Variants in ZIC5 observed in about 807,000 individuals in gnomAD.
ZIC5 encodes the protein Zic family zinc finger 5, also known as zinc finger protein ZIC 5.
A neutral mutation model predicts 28.5 loss-of-function variants in ZIC5; 20 were observed. That is an observed-to-expected ratio of 0.70 (90% CI 0.49 to 1.02). The LOEUF (loss-of-function observed/expected upper bound fraction) is 1.02, where lower values mean the gene tolerates loss of function less well. ZIC5 is among the 50% of genes least tolerant of loss of function. ZIC5 has a pLI of 0.00. For missense variants in ZIC5, 951 were observed against 899.7 expected (o/e 1.06, Z -0.73); for synonymous variants, 488 against 410.4 (o/e 1.19, Z -2.29).
At chr13:99,966,569 G>A (rs77594375) in intron 1 of ZIC5, among the ~76,000 whole-genome samples, 1,616 of 152,294 alleles carry the variant, frequency 0.011, 15 homozygotes, top group Non-Finnish European at 0.016. Flanking sequence ...TAAGAGCACA[G>A]CAGATCGAGC....
Position 99,971,542 on chromosome 13 carries a change from G to C in ZIC5, c.62C>G (p.Ala21Gly), listed in dbSNP as rs1326722225. The C allele has an allele frequency of 6.4e-7, 1 of 1,552,276 alleles. No individual in the cohort carries two copies. The highest frequency in any genetic ancestry group is 1.4e-5 in the African/African-American group (1 of 73,224). ...CATATTCTGAAGCGGCTGGACCTGA[G>C]CCGTTGCCAAATCCGCTAATCTCAG... ...PALRLADLATAQVQPLQNMTG... is the reference protein window; with the variant it reads ...PALRLADLATGQVQPLQNMTG... The change falls in exon 1 of 2, where the codon GCT (alanine) becomes GGT (glycine). Residue 21 changes from alanine (A) to glycine (G), a missense_variant. Ala to Gly is a moderately conservative substitution (Grantham distance 60). Transcript: ENST00000267294.
intron 1 of ZIC5, among the ~76,000 whole-genome samples, chr13:99,966,692 TA>T (rs986271321): frequency 1.3e-5 from 2 of 152,152 alleles, no homozygotes; most frequent in African/African-American, 4.8e-5. Flanking sequence ...AAAAAGACCT[TA>T]AAAAAATTTA....
chr13:99,965,241 C>A lies in ZIC5; in HGVS notation c.*136G>T. On this transcript the variant is annotated 3_prime_UTR_variant, in exon 2 of 2. Transcript: ENST00000267294. ...TGTACAAACACCATAGGGTTTCATA[C>A]TGAATAAATAGGGCTAATTAGACCC... The A allele has an allele frequency of 3.1e-6, 2 of 650,958 alleles. No individual in the cohort carries two copies. The highest frequency in any genetic ancestry group is 3.1e-5 in the East Asian group (1 of 31,840). 40.3% of individuals were successfully genotyped at this position (650,958 alleles called of 1,614,324 possible). A position where few individuals can be genotyped will look rare whatever the true frequency, so the allele number is the denominator to read the frequency against.
rs1269999592 is a variant in ZIC5, at chr13:99,970,879, G to A, written c.725C>T (p.Thr242Met). 6.2e-6 allele frequency: 8 copies of A among 1,283,738 alleles called. No individual in the cohort carries two copies. In the African/African-American group the frequency reaches 1.1e-4, roughly 18 times the overall value. 79.5% of individuals were successfully genotyped at this position (1,283,738 alleles called of 1,614,324 possible). ...CGGGTGGCCGCCTGGGGCCCCCGGC[G>A]TGTCGTGCAGCGCGGGGAAGAGCGC... ...GPALFPALHD[T>M]PGAPGGHPHP... The change falls in exon 1 of 2, where the codon ACG (threonine) becomes ATG (methionine). Residue 242 changes from threonine to methionine, a missense_variant. Physicochemically the swap from Thr to Met is moderately conservative, Grantham distance 81. This residue lies in a region of ZIC5 where 784 missense variants were observed against 660.1 expected (regional missense o/e 1.19). Transcript: ENST00000267294.
In ZIC5 at chr13:99,970,569, G is replaced by T. The variant is rs1361985823; in HGVS notation, c.1035C>A (p.His345Gln). 2 of 1,024,540 alleles carry T rather than the reference G, an allele frequency of 2.0e-6. No individual in the cohort carries two copies. Among genetic ancestry groups the T allele is most frequent in the Non-Finnish European group, 2.3e-6 (2 of 857,448 alleles). 63.5% of individuals were successfully genotyped at this position (1,024,540 alleles called of 1,614,324 possible). The change falls in exon 1 of 2, where the codon CAC becomes CAA. Residue 345 changes from histidine to glutamine, a missense_variant. By Grantham distance (24) the His-to-Gln change is conservative (BLOSUM62 0). This residue lies in a region of ZIC5 where 784 missense variants were observed against 660.1 expected (regional missense o/e 1.19). Transcript: ENST00000267294. ...GGAGGTGGGGGTGGTGCTGGTGCGG[G>T]TGCTGCGCGGGCGCCGGCGGCGGCG... Reference protein sequence around the residue: ...APPPPPAPAQHPHQHHPHLPG... With the variant: ...APPPPPAPAQQPHQHHPHLPG...
intron 1 of ZIC5, 48 bp from the exon 2 acceptor site, chr13:99,965,867 C>G (rs2053096478): frequency 6.5e-7 from 1 of 1,548,770 alleles, no homozygotes; most frequent in Non-Finnish European, 8.7e-7. Context: ...CAAGACCCCT[C>G]TCTTGACAGA....
chr13:99,970,711 G>A lies in ZIC5; in HGVS notation c.893C>T (p.Ala298Val). 1 of 1,187,574 alleles carries A rather than the reference G, an allele frequency of 8.4e-7. No individual in the cohort carries two copies. Among genetic ancestry groups the A allele is most frequent in the Non-Finnish European group, 1.0e-6 (1 of 956,180 alleles). The allele number at this position is 1,187,574 out of a possible 1,614,324, so 73.6% of individuals were successfully genotyped here. A position where few individuals can be genotyped will look rare whatever the true frequency, so the allele number is the denominator to read the frequency against. ...HYGAVAAAAA[A>V]ALHGYGAVNL... ...CACGGCTCCGTAGCCGTGCAGGGCGGCCGCCGCTGCGGCCGCAACCGCCCC... is the reference window on the plus strand; with the variant it reads ...CACGGCTCCGTAGCCGTGCAGGGCGACCGCCGCTGCGGCCGCAACCGCCCC... Residue 298 changes from alanine to valine, a missense_variant, in exon 1 of 2, where the codon GCC becomes GTC. Transcript: ENST00000267294.
Position 99,963,346 on chromosome 13 carries a change from T to C in ZIC5, c.*2031A>G, listed in dbSNP as rs768945894. 6.6e-6 allele frequency: 1 copy of C among 152,622 alleles called. No individual in the cohort carries two copies. Among genetic ancestry groups the C allele is most frequent in the Non-Finnish European group, 1.5e-5 (1 of 68,026 alleles). 9.5% of individuals were successfully genotyped at this position (152,622 alleles called of 1,614,324 possible). ...CCCCAAAAGTTCATACCTTTTCTATTTGAAAGGGCTTTGAAAGTGAATAAT... is the reference window on the plus strand; with the variant it reads ...CCCCAAAAGTTCATACCTTTTCTATCTGAAAGGGCTTTGAAAGTGAATAAT... On this transcript the variant is annotated 3_prime_UTR_variant, in exon 2 of 2. Transcript: ENST00000267294.
Position 99,970,590 on chromosome 13 carries a change from C to T in ZIC5, c.1014G>A (p.Pro338=), listed in dbSNP as rs760991645. ...QHHAPPPAPP[P]PPAPAQHPHQ... ...GCGGGTGCTGCGCGGGCGCCGGCGGCGGCGGCGGCGCCGGGGGCGGCGCGT... is the reference window on the plus strand; with the variant it reads ...GCGGGTGCTGCGCGGGCGCCGGCGGTGGCGGCGGCGCCGGGGGCGGCGCGT... The change falls in exon 1 of 2, where the codon CCG becomes CCA. Residue 338 remains proline, a synonymous_variant. Coordinates refer to ENST00000267294, the MANE Select transcript of ZIC5 (RefSeq NM_033132.5). 6.0e-6 allele frequency: 6 copies of T among 994,654 alleles called. No individual in the cohort carries two copies. Among genetic ancestry groups the T allele is most frequent in the South Asian group, 9.0e-5 (2 of 22,226 alleles). The allele number at this position is 994,654 out of a possible 1,614,324, so 61.6% of individuals were successfully genotyped here. A position where few individuals can be genotyped will look rare whatever the true frequency, so the allele number is the denominator to read the frequency against.
intron 1 of ZIC5, among the ~76,000 whole-genome samples, chr13:99,966,157 T>TCC (rs2053098557): frequency 6.6e-6 from 1 of 151,858 alleles, no homozygotes; most frequent in Admixed American, 6.6e-5. Context: ...ACAGACACAC[T>TCC]CCCCTCAGGG....
rs571401354 is a variant in ZIC5, at chr13:99,963,760, GA to G, written c.*1616del. 109 of 131,372 alleles carry G rather than the reference GA, an allele frequency of 8.3e-4. No homozygotes were observed. The highest frequency in any genetic ancestry group is 1.8e-3 in the African/African-American group (63 of 34,776). The allele number at this position is 131,372 out of a possible 1,614,324, so 8.1% of individuals were successfully genotyped here. A position where few individuals can be genotyped will look rare whatever the true frequency, so the allele number is the denominator to read the frequency against. On this transcript the variant is annotated 3_prime_UTR_variant, in exon 2 of 2. Transcript: ENST00000267294. Reference sequence around the variant, plus strand: ...GTGTGCTTTGAACTCTTCCAGGAAAGAAAAAAAAAAAGGATGATGTCTGAAA... The same window carrying G: ...GTGTGCTTTGAACTCTTCCAGGAAAGAAAAAAAAAAGGATGATGTCTGAAA...
In ZIC5 at chr13:99,970,701, G is replaced by C; in HGVS notation, c.903C>G (p.His301Gln). 8.5e-7 allele frequency: 1 copy of C among 1,176,166 alleles called. No homozygotes were observed. The highest frequency in any genetic ancestry group is 5.7e-5 in the East Asian group (1 of 17,634). The allele number at this position is 1,176,166 out of a possible 1,614,324, so 72.9% of individuals were successfully genotyped here. A position where few individuals can be genotyped will look rare whatever the true frequency, so the allele number is the denominator to read the frequency against. Reference protein sequence around the residue: ...AVAAAAAAALHGYGAVNLNLN... With the variant: ...AVAAAAAAALQGYGAVNLNLN... Reference sequence around the variant, plus strand: ...GGTTTAAGTTCACGGCTCCGTAGCCGTGCAGGGCGGCCGCCGCTGCGGCCG... The same window carrying C: ...GGTTTAAGTTCACGGCTCCGTAGCCCTGCAGGGCGGCCGCCGCTGCGGCCG... The change falls in exon 1 of 2, where the codon CAC (histidine) becomes CAG (glutamine). Residue 301 changes from histidine to glutamine, a missense_variant. His to Gln is a conservative substitution (Grantham distance 24). Transcript: ENST00000267294.
intron 1 of ZIC5, among the ~76,000 whole-genome samples, chr13:99,967,032 T>C (rs952301019): frequency 3.3e-5 from 5 of 152,252 alleles, no homozygotes; most frequent in African/African-American, 4.8e-5. Context: ...TTCTCATATT[T>C]CAGCAGCTAC....
At chr13:99,969,670 A>G (rs1044640074) in intron 1 of ZIC5, among the ~76,000 whole-genome samples, 2 of 150,450 alleles carry the variant, frequency 1.3e-5, no homozygotes, top group African/African-American at 4.9e-5. Flanking sequence ...CGCGGGGCCT[A>G]CGACCCGGTG....
intron 1 of ZIC5, among the ~76,000 whole-genome samples, chr13:99,969,651 C>T (rs1211145812): frequency 6.6e-6 from 1 of 151,488 alleles, no homozygotes; most frequent in Non-Finnish European, 1.5e-5. Flanking sequence ...CCTCGGAGCG[C>T]GGAGACTGCG....
intron 1 of ZIC5, among the ~76,000 whole-genome samples, chr13:99,967,217 T>C (rs1375539634): frequency 6.6e-6 from 1 of 152,242 alleles, no homozygotes; most frequent in Non-Finnish European, 1.5e-5. Flanking sequence ...CGATAACTGC[T>C]TCCATGGCAG....
Position 99,963,552 on chromosome 13 carries a change from C to G in ZIC5, c.*1825G>C, listed in dbSNP as rs1281651781. The G allele has an allele frequency of 6.6e-6, 1 of 152,370 alleles. No homozygotes were observed. The highest frequency in any genetic ancestry group is 1.9e-4 in the East Asian group (1 of 5,200). 9.4% of individuals were successfully genotyped at this position (152,370 alleles called of 1,614,324 possible). On this transcript the variant is annotated 3_prime_UTR_variant, in exon 2 of 2. Coordinates refer to ENST00000267294, the MANE Select transcript of ZIC5 (RefSeq NM_033132.5). ...ACTAGTAATATAATATATCTATAAA[C>G]TATATATAATCTTATCAACACAATG... is the stretch of plus-strand genomic sequence containing the variant.
Position 99,963,542 on chromosome 13 carries a change from T to C in ZIC5, c.*1835A>G, listed in dbSNP as rs142428648. The C allele has an allele frequency of 3.9e-5, 6 of 152,636 alleles. No homozygotes were observed. The East Asian group carries it at 1.2e-3, about 29-fold the overall frequency. 9.5% of individuals were successfully genotyped at this position (152,636 alleles called of 1,614,324 possible). A position where few individuals can be genotyped will look rare whatever the true frequency, so the allele number is the denominator to read the frequency against. ...CATGCACTGTACTAGTAATATAATA[T>C]ATCTATAAACTATATATAATCTTAT... On this transcript the variant is annotated 3_prime_UTR_variant, in exon 2 of 2. Transcript: ENST00000267294.
At position 99,970,526 on chromosome 13, in the gene ZIC5, A is replaced by G. The variant is rs913484014; in HGVS notation, c.1078T>C (p.Phe360Leu). 12 of 1,120,044 alleles carry G rather than the reference A, an allele frequency of 1.1e-5. No individual in the cohort carries two copies. The African/African-American group carries it at 1.9e-4, about 17-fold the overall frequency. The allele number at this position is 1,120,044 out of a possible 1,614,324, so 69.4% of individuals were successfully genotyped here. The change falls in exon 1 of 2, where the codon TTC (phenylalanine) becomes CTC (leucine). Residue 360 changes from phenylalanine (F) to leucine (L), a missense_variant. Physicochemically the swap from Phe to Leu is conservative, Grantham distance 22. Coordinates refer to ENST00000267294, the MANE Select transcript of ZIC5 (RefSeq NM_033132.5). The stretch of plus-strand genomic sequence containing the variant: ...ATTGGCTGCCGCATGTAGCGCAGGA[A>G]GGCCCCAGCCGCCCCTGGGAGGTGG... ...HPHLPGAAGA[F>L]LRYMRQPIKQ...
Sources: allele counts gnomAD v4.1 joint callset (sites outside exome capture counted in the v4.1 genomes callset), GRCh38; gene constraint gnomAD v4.1.1; regional missense constraint gnomAD v4.1.1; transcripts MANE v1.5; gene names NCBI Gene and HGNC (gene_info 2026-07-23, HGNC 2026-07-21).